The following MYRFL variants were observed in gnomAD, a reference collection of about 807,000 sequenced individuals.
MYRFL encodes the protein myelin regulatory factor like.
Under a neutral mutation model 109.4 loss-of-function variants are expected in MYRFL, and 88 were observed. The ratio of observed to expected loss-of-function variants is 0.80; its 90% CI spans 0.68 to 0.96. MYRFL has a LOEUF of 0.96. Ranked by LOEUF, MYRFL falls within the 40% of genes least tolerant of loss-of-function variation. MYRFL has a pLI of 0.00. For missense variants in MYRFL, 957 were observed against 954.9 expected (o/e 1.00, Z -0.03); for synonymous variants, 324 against 320.9 (o/e 1.01, Z -0.10).
At chr12:69,858,724 CT>C (rs1565975768) in intron 2 of MYRFL, among the ~76,000 whole-genome samples, 1 of 151,762 alleles carries the variant, frequency 6.6e-6, no homozygotes, top group African/African-American at 2.4e-5. Flanking sequence ...TAGTTTGTTT[CT>C]TTTTTTCTTT....
At chr12:69,881,697 T>A (rs1886126484) in intron 5 of MYRFL, among the ~76,000 whole-genome samples, 1 of 152,216 alleles carries the variant, frequency 6.6e-6, no homozygotes, top group African/African-American at 2.4e-5. Context: ...CAACTAAACC[T>A]CAAACTGCCT....
intron 19 of MYRFL, among the ~76,000 whole-genome samples, chr12:69,938,777 G>A (rs374543608): frequency 1.3e-5 from 2 of 152,168 alleles, no homozygotes; most frequent in Non-Finnish European, 2.9e-5. Context: ...TTCCCTCTGA[G>A]GTACCGGGTT....
intron 22 of MYRFL, among the ~76,000 whole-genome samples, chr12:69,957,129 G>T (rs776625800): frequency 6.6e-6 from 1 of 152,212 alleles, no homozygotes; most frequent in Non-Finnish European, 1.5e-5. Flanking sequence ...TCTTGATGAT[G>T]ATTAATGGGG....
At chr12:69,952,935 T>G in intron 21 of MYRFL, 49 bp downstream of exon 21, 3 of 1,323,542 alleles carry the variant, frequency 2.3e-6, no homozygotes, top group Non-Finnish European at 3.1e-6. Flanking sequence ...AATTTACCCA[T>G]GGCTCTGGGT....
rs1566002118 is a variant in MYRFL, at chr12:69,891,618, TC to T, written c.903+453del. On this transcript the variant is annotated intron_variant, in intron 7 of 24. Transcript: ENST00000552032. ...CTTTCTTTCTTTCTCTTTCTTTCTT[TC>T]TTTCCTCCTTCCTTTCTTTTTCTTT... 8.6e-4 allele frequency among the ~76,000 whole-genome samples: 102 copies of T among 117,994 alleles called. 3 individuals carry two copies. The highest frequency in any genetic ancestry group is 4.9e-3 in the South Asian group (16 of 3,272). The allele number at this position is 117,994 out of a possible 152,430, so 77.4% of individuals were successfully genotyped here. A position where few individuals can be genotyped will look rare whatever the true frequency, so the allele number is the denominator to read the frequency against.
chr12:69,905,232 G>A (rs1312105922), intron 11 of MYRFL, among the ~76,000 whole-genome samples: 1 of 152,224 alleles, frequency 6.6e-6, no homozygotes, highest in African/African-American at 2.4e-5. Context: ...AATATAACAA[G>A]TGAGAAAAGT....
rs1281967608 is a variant in MYRFL, at chr12:69,957,706, C to A, written c.2451-116C>A. On this transcript the variant is annotated intron_variant, in intron 22 of 24. Coordinates refer to ENST00000552032, the MANE Select transcript of MYRFL (RefSeq NM_182530.3). Reference sequence around the variant, plus strand: ...TGTGTGATACAATGCCTATTGTGAACTTTGAATGGATTTCCAAGTTACGTT... The same window carrying A: ...TGTGTGATACAATGCCTATTGTGAAATTTGAATGGATTTCCAAGTTACGTT... The A allele has an allele frequency of 2.3e-5, 30 of 1,292,800 alleles. 1 individual carries two copies. The highest frequency in any genetic ancestry group is 2.5e-5 in the Non-Finnish European group (24 of 977,590). 80.1% of individuals were successfully genotyped at this position (1,292,800 alleles called of 1,614,324 possible).
At chr12:69,830,273 A>G (rs1326178264) in intron 1 of MYRFL, among the ~76,000 whole-genome samples, 4 of 151,366 alleles carry the variant, frequency 2.6e-5, no homozygotes, top group African/African-American at 9.7e-5. Flanking sequence ...ACATAGATAT[A>G]GATATCTATA....
At chr12:69,826,164 G>A (rs1882264092) in intron 1 of MYRFL, among the ~76,000 whole-genome samples, 1 of 152,114 alleles carries the variant, frequency 6.6e-6, no homozygotes, top group Non-Finnish European at 1.5e-5. Context: ...CAAAGAAATA[G>A]TGAGATTCTA....
intron 2 of MYRFL, among the ~76,000 whole-genome samples, chr12:69,872,900 G>C (rs1055349664): frequency 6.6e-6 from 1 of 152,090 alleles, no homozygotes; most frequent in African/African-American, 2.4e-5. Context: ...CCAAAGCACT[G>C]GAATTAGGTG....
intron 13 of MYRFL, among the ~76,000 whole-genome samples, chr12:69,913,778 C>T (rs1592818097): frequency 1.3e-5 from 2 of 152,080 alleles, no homozygotes; most frequent in African/African-American, 2.4e-5. Flanking sequence ...TGTCTATTTT[C>T]AGGGTCTCTT....
At chr12:69,887,494 A>G (rs1034828086) in intron 6 of MYRFL, among the ~76,000 whole-genome samples, 1 of 152,212 alleles carries the variant, frequency 6.6e-6, no homozygotes, top group Non-Finnish European at 1.5e-5. Context: ...ATCCTAAAAA[A>G]GTGGAAAAGC....
intron 2 of MYRFL, among the ~76,000 whole-genome samples, chr12:69,877,259 G>C (rs1194095291): frequency 6.6e-6 from 1 of 151,934 alleles, no homozygotes; most frequent in Non-Finnish European, 1.5e-5. Flanking sequence ...TCCTGACCTC[G>C]TGATCCGCCC....
chr12:69,920,961 G>C (rs1954892183), intron 13 of MYRFL, among the ~76,000 whole-genome samples: 1 of 152,194 alleles, frequency 6.6e-6, no homozygotes, highest in East Asian at 1.9e-4. Flanking sequence ...ATTTGAAGCA[G>C]TTGCCACCTT....
chr12:69,838,715 T>G (rs1193832912), intron 1 of MYRFL, among the ~76,000 whole-genome samples: 2 of 152,236 alleles, frequency 1.3e-5, no homozygotes, highest in Non-Finnish European at 2.9e-5. Flanking sequence ...AAGGCTTAGC[T>G]GTAAAGTTTC....
chr12:69,933,846 G>A (rs992859112), intron 16 of MYRFL, among the ~76,000 whole-genome samples: 4 of 146,278 alleles, frequency 2.7e-5, no homozygotes, highest in African/African-American at 1.0e-4. Context: ...GTAAGGTAAA[G>A]AGACTGCTTT....
intron 1 of MYRFL, among the ~76,000 whole-genome samples, chr12:69,841,668 G>T (rs1883250959): frequency 6.6e-6 from 1 of 152,164 alleles, no homozygotes; most frequent in Non-Finnish European, 1.5e-5. Flanking sequence ...GATAGTTGTA[G>T]CCTTGTTGAC....
chr12:69,924,526 G>A (rs1305608285), intron 13 of MYRFL, among the ~76,000 whole-genome samples: 3 of 150,824 alleles, frequency 2.0e-5, no homozygotes, highest in African/African-American at 7.5e-5. Flanking sequence ...TGGACATTTT[G>A]TTTGATTGTG....
intron 2 of MYRFL, among the ~76,000 whole-genome samples, chr12:69,875,550 A>G (rs531765817): frequency 6.6e-6 from 1 of 151,692 alleles, no homozygotes; most frequent in African/African-American, 2.4e-5. Context: ...AGTTTTTCCA[A>G]CCCCTGCCGG....
Sources: gnomAD v4.1 joint callset for allele counts (sites outside exome capture counted in the v4.1 genomes callset) on GRCh38, gnomAD v4.1.1 for gene constraint, MANE v1.5 for transcripts, NCBI Gene and HGNC (gene_info 2026-07-23, HGNC 2026-07-21) for gene names.